The following TCF7 variants were observed in gnomAD, a reference collection of about 807,000 sequenced individuals.
The protein encoded by TCF7 is transcription factor 7.
A neutral mutation model predicts 46.8 loss-of-function variants in TCF7; 19 were observed. The observed-to-expected ratio is 0.41, with a 90% CI of 0.28 to 0.60. The LOEUF (loss-of-function observed/expected upper bound fraction) is 0.60, where lower values mean the gene tolerates loss of function less well. TCF7 is among the 20% of genes least tolerant of loss of function. TCF7 has a pLI of 0.35. For synonymous variants in TCF7, 245 were observed against 213.4 expected (o/e 1.15, Z -1.29); for missense variants, 547 against 504.6 (o/e 1.08, Z -0.81).
At position 134,146,882 on chromosome 5, in the gene TCF7, C is replaced by A. The variant is rs1356629534; in HGVS notation, c.*579C>A. The stretch of plus-strand genomic sequence containing the variant: ...GCCTAGCTACCTTCTCTACCCATCT[C>A]CCCCATCCCCCACTGCCACACCCTC... On this transcript the variant is annotated 3_prime_UTR_variant, in exon 10 of 10. Coordinates refer to ENST00000342854, the MANE Select transcript of TCF7 (RefSeq NM_003202.5). The A allele has an allele frequency of 3.4e-6, 1 of 293,802 alleles. No individual in the cohort carries two copies. The highest frequency in any genetic ancestry group is 6.4e-6 in the Non-Finnish European group (1 of 156,570). The allele number at this position is 293,802 out of a possible 1,614,324, so 18.2% of individuals were successfully genotyped here.
rs557914718 is a variant in TCF7 at position 134,115,108 on chromosome 5, ATCCCGGGGG to A, written c.212_220del (p.Val71_Gly73del). The stretch of plus-strand genomic sequence containing the variant: ...CGAGGGCGCGGCCGGCGGCGCAGGG[ATCCCGGGGG>A]TCCCGGGGGCCGGCGCCGGGGCCCG... On this transcript the variant is annotated inframe_deletion, in exon 1 of 10. Transcript: ENST00000342854. The A allele has an allele frequency of 1.1e-3, 1,109 of 1,041,386 alleles. 11 individuals are homozygous for A. The African/African-American group carries it at 0.017, about 16-fold the overall frequency. 64.5% of individuals were successfully genotyped at this position (1,041,386 alleles called of 1,614,324 possible).
chr5:134,133,266 T>A (rs935470586), intron 3 of TCF7, among the ~76,000 whole-genome samples: 3 of 152,172 alleles, frequency 2.0e-5, no homozygotes, highest in Admixed American at 6.5e-5. Flanking sequence ...GCACTTACTG[T>A]GCACCCAGCT....
Position 134,147,539 on chromosome 5 carries a change from C to G in TCF7, c.*1236C>G, listed in dbSNP as rs1161266039. On this transcript the variant is annotated 3_prime_UTR_variant, in exon 10 of 10. Coordinates refer to ENST00000342854, the MANE Select transcript of TCF7 (RefSeq NM_003202.5). The stretch of plus-strand genomic sequence containing the variant: ...GGACAGAGGACCATTACAACTAGAT[C>G]AAGGAGCCCAGAAAACCTCCAGTAG... The G allele has an allele frequency of 6.6e-6, 1 of 152,652 alleles. No homozygotes were observed. The highest frequency in any genetic ancestry group is 1.5e-5 in the Non-Finnish European group (1 of 68,050). The allele number at this position is 152,652 out of a possible 1,614,324, so 9.5% of individuals were successfully genotyped here.
At chr5:134,136,993 G>A (rs534173586) in intron 3 of TCF7, among the ~76,000 whole-genome samples, 7 of 152,356 alleles carry the variant, frequency 4.6e-5, no homozygotes, top group East Asian at 3.9e-4. Flanking sequence ...GCCCTGACCC[G>A]TGCAGATGTG....
At chr5:134,126,704 C>T (rs1757390509) in intron 3 of TCF7, among the ~76,000 whole-genome samples, 1 of 152,158 alleles carries the variant, frequency 6.6e-6, no homozygotes, top group Non-Finnish European at 1.5e-5. Flanking sequence ...TGAGACCAGC[C>T]TGACCAACAT....
At chr5:134,143,140 C>T in intron 8 of TCF7, 40 bp downstream of exon 8, 1 of 1,552,192 alleles carries the variant, frequency 6.4e-7, no homozygotes, top group South Asian at 1.2e-5. Flanking sequence ...GGGCAGGGGA[C>T]CCTTTGAGAT....
At chr5:134,116,304 G>A (rs575383351) in intron 3 of TCF7, among the ~76,000 whole-genome samples, 1 of 152,380 alleles carries the variant, frequency 6.6e-6, no homozygotes, top group East Asian at 1.9e-4. Flanking sequence ...TCCTGGTGCT[G>A]GGTGATGCCA....
At chr5:134,140,922 T>C in intron 5 of TCF7, 1 of 364,208 alleles carries the variant, frequency 2.7e-6, no homozygotes, top group Non-Finnish European at 5.5e-6. Flanking sequence ...GGCTCCTGCT[T>C]CCTGTTGCCC....
At position 134,144,888 on chromosome 5, in the gene TCF7, T is replaced by C. The variant is rs755631897; in HGVS notation, c.1075+1248T>C. 2.3e-5 allele frequency: 37 copies of C among 1,608,292 alleles called. No homozygotes were observed. In the South Asian group the frequency reaches 2.9e-4, roughly 12 times the overall value. On this transcript the variant is annotated intron_variant, in intron 9 of 9. Transcript: ENST00000342854. ...CGTGCAGGTGGGTTTGTCCCCACCA[T>C]CGTTCTCCCTTTGCTTTAAGCTGCT...
intron 3 of TCF7, among the ~76,000 whole-genome samples, chr5:134,126,554 A>G (rs1283378712): frequency 1.3e-5 from 2 of 152,242 alleles, no homozygotes; most frequent in Non-Finnish European, 2.9e-5. Flanking sequence ...TTCATGTGTC[A>G]AGCACTTCCC....
At chr5:134,135,641 G>C (rs1023807262) in intron 3 of TCF7, among the ~76,000 whole-genome samples, 1 of 152,184 alleles carries the variant, frequency 6.6e-6, no homozygotes, top group African/African-American at 2.4e-5. Flanking sequence ...AGCGTTTGGG[G>C]CAGGAAGTCA....
intron 6 of TCF7, 50 bp downstream of exon 6, chr5:134,142,354 T>G (rs569482937): frequency 1.4e-6 from 2 of 1,473,544 alleles, no homozygotes; most frequent in African/African-American, 1.4e-5. Context: ...AGGATACACA[T>G]GCCTCCCCAC....
chr5:134,115,598 A>G, intron 2 of TCF7: 1 of 1,429,042 alleles, frequency 7.0e-7, no homozygotes, highest in Non-Finnish European at 9.1e-7. Context: ...GAGTAAACAG[A>G]CCCCCGCCAT....
At chr5:134,135,495 A>G (rs906026822) in intron 3 of TCF7, among the ~76,000 whole-genome samples, 1 of 152,194 alleles carries the variant, frequency 6.6e-6, no homozygotes, top group Non-Finnish European at 1.5e-5. Flanking sequence ...CACATTTTGA[A>G]GGTAGAGCAT....
At chr5:134,130,224 C>A (rs1757932095) in intron 3 of TCF7, among the ~76,000 whole-genome samples, 1 of 152,248 alleles carries the variant, frequency 6.6e-6, no homozygotes, top group Admixed American at 6.5e-5. Flanking sequence ...AGGCCTGGTC[C>A]ATATTGCAGG....
rs548724555 is a variant in TCF7 at position 134,144,718 on chromosome 5, C to T, written c.1075+1078C>T. The T allele has an allele frequency of 4.3e-4, 476 of 1,107,144 alleles. 6 individuals carry two copies. The South Asian group carries it at 5.5e-3, about 13-fold the overall frequency. The allele number at this position is 1,107,144 out of a possible 1,614,324, so 68.6% of individuals were successfully genotyped here. Reference sequence around the variant, plus strand: ...TAACTGGCTAACACTGATGTTACCTCTTCTTTCTGGGCCCTGCTCTGCCCC... The same window carrying T: ...TAACTGGCTAACACTGATGTTACCTTTTCTTTCTGGGCCCTGCTCTGCCCC... On this transcript the variant is annotated intron_variant, in intron 9 of 9. Coordinates refer to ENST00000342854, the MANE Select transcript of TCF7 (RefSeq NM_003202.5).
intron 3 of TCF7, among the ~76,000 whole-genome samples, chr5:134,122,291 A>G (rs1170252237): frequency 6.6e-6 from 1 of 152,132 alleles, no homozygotes; most frequent in Admixed American, 6.5e-5. Context: ...GGTGAGTACT[A>G]GCTCAGCAGG....
intron 8 of TCF7, 88 bp from the exon 9 acceptor site, chr5:134,143,504 C>G (rs767551523): frequency 6.4e-7 from 1 of 1,551,726 alleles, no homozygotes; most frequent in Non-Finnish European, 8.9e-7. Context: ...CGCCCAGAAT[C>G]CCAGGGTTAC....
chr5:134,129,269 T>C (rs528650518), intron 3 of TCF7, among the ~76,000 whole-genome samples: 3 of 152,366 alleles, frequency 2.0e-5, no homozygotes, highest in Non-Finnish European at 4.4e-5. Context: ...CTGCCATCTC[T>C]AAATCTGCAC....
Sources: allele counts gnomAD v4.1 joint callset (sites outside exome capture counted in the v4.1 genomes callset), GRCh38; gene constraint gnomAD v4.1.1; transcripts MANE v1.5; gene names NCBI Gene and HGNC (gene_info 2026-07-23, HGNC 2026-07-21).